Variants in RNF32 observed in about 807,000 individuals in gnomAD.
RNF32 encodes ring finger protein 32.
In RNF32, 36 loss-of-function variants were observed where a neutral mutation model predicts 41.0. The observed-to-expected ratio is 0.88, with a 90% confidence interval of 0.67 to 1.16. RNF32 has a LOEUF of 1.16. RNF32 is among the 50% of genes most tolerant of loss of function. RNF32 has a pLI of 0.00. For missense variants in RNF32, 413 were observed against 436.7 expected (o/e 0.95, Z 0.48); for synonymous variants, 154 against 160.9 (o/e 0.96, Z 0.32).
intron 7 of RNF32, among the ~76,000 whole-genome samples, chr7:156,665,439 G>A (rs979309808): frequency 6.6e-6 from 1 of 152,186 alleles, no homozygotes; most frequent in Non-Finnish European, 1.5e-5. Flanking sequence ...TAATAAGATT[G>A]AATATGGCAA....
intron 1 of RNF32, among the ~76,000 whole-genome samples, chr7:156,642,567 C>T (rs979420897): frequency 1.3e-5 from 2 of 152,224 alleles, no homozygotes; most frequent in African/African-American, 2.4e-5. Context: ...GTATGCTTTA[C>T]GAGTTTTTAT....
chr7:156,676,260 T>C (rs1179319766), intron 8 of RNF32, 159 bp from the exon 9 acceptor site: 10 of 1,543,538 alleles, frequency 6.5e-6, no homozygotes, highest in Non-Finnish European at 2.6e-6. Context: ...TATATATGTA[T>C]ATATATAAAT....
intron 7 of RNF32, among the ~76,000 whole-genome samples, chr7:156,671,541 T>A (rs1181140271): frequency 1.3e-5 from 2 of 152,196 alleles, no homozygotes; most frequent in Non-Finnish European, 2.9e-5. Context: ...CATACGCTTG[T>A]CCATGATGCA....
At chr7:156,674,228 G>A (rs1055643257) in intron 7 of RNF32, among the ~76,000 whole-genome samples, 4 of 152,174 alleles carry the variant, frequency 2.6e-5, no homozygotes, top group African/African-American at 9.7e-5. Flanking sequence ...TGGGGCTCGG[G>A]AACTGTCTCC....
chr7:156,661,840 A>C lies in RNF32; in HGVS notation c.684+3270A>C, dbSNP rs1399011681. ...CTGCATTATCAATAACTGCCACCTT[A>C]AACATAATACAAGTGACCGTGTTAT... On this transcript the variant is annotated intron_variant, in intron 7 of 8. Coordinates refer to ENST00000317955, the MANE Select transcript of RNF32 (RefSeq NM_030936.4). Among the ~76,000 whole-genome samples, 3 of 152,220 alleles carry C rather than the reference A, an allele frequency of 2.0e-5. No individual in the cohort carries two copies. The East Asian group carries it at 5.8e-4, about 29-fold the overall frequency.
At chr7:156,662,843 C>T (rs1399623780) in intron 7 of RNF32, among the ~76,000 whole-genome samples, 1 of 150,220 alleles carries the variant, frequency 6.7e-6, no homozygotes. Flanking sequence ...ATTTAACAGC[C>T]ATTCTTTTTT....
intron 7 of RNF32, among the ~76,000 whole-genome samples, chr7:156,660,755 T>C (rs1449845495): frequency 6.6e-6 from 1 of 152,212 alleles, no homozygotes; most frequent in Non-Finnish European, 1.5e-5. Flanking sequence ...CTCTGACTGA[T>C]ACGAGTGACT....
At chr7:156,651,546 G>A (rs545964472) in intron 3 of RNF32, among the ~76,000 whole-genome samples, 5 of 152,242 alleles carry the variant, frequency 3.3e-5, no homozygotes, top group East Asian at 1.9e-4. Context: ...ACATGTCTAC[G>A]CTGCTGTTTT....
intron 1 of RNF32, among the ~76,000 whole-genome samples, chr7:156,641,617 G>A (rs1350898899): frequency 6.6e-6 from 1 of 152,228 alleles, no homozygotes; most frequent in African/African-American, 2.4e-5. Flanking sequence ...GACTTTAAGA[G>A]AGTATAGGTT....
Position 156,658,084 on chromosome 7 carries a change from T to C in RNF32, c.451-44T>C, listed in dbSNP as rs142801532. The C allele has an allele frequency of 2.3e-4, 366 of 1,578,114 alleles. 1 individual carries two copies. The highest frequency in any genetic ancestry group is 1.4e-3 in the Middle Eastern group (8 of 5,918). On this transcript the variant is annotated intron_variant, in intron 5 of 8. Transcript: ENST00000317955. ...ACATTGGAAGTAAAAACGTTGTTTATAAGTAATTACTTGTAAAATTTTAAG... is the reference window on the plus strand; with the variant it reads ...ACATTGGAAGTAAAAACGTTGTTTACAAGTAATTACTTGTAAAATTTTAAG...
chr7:156,642,695 G>A (rs1358928809), intron 1 of RNF32, among the ~76,000 whole-genome samples: 1 of 152,218 alleles, frequency 6.6e-6, no homozygotes, highest in African/African-American at 2.4e-5. Flanking sequence ...TGGAGAGGAC[G>A]GCATCCCATG....
intron 3 of RNF32, among the ~76,000 whole-genome samples, chr7:156,646,135 A>C (rs377388045): frequency 3.9e-5 from 6 of 152,338 alleles, no homozygotes; most frequent in African/African-American, 1.4e-4. Flanking sequence ...ATTTCTTCTA[A>C]TTAATAAAAG....
At chr7:156,662,790 TTA>T (rs1800826890) in intron 7 of RNF32, among the ~76,000 whole-genome samples, 1 of 151,744 alleles carries the variant, frequency 6.6e-6, no homozygotes, top group African/African-American at 2.4e-5. Context: ...CTGAAAAAAA[TTA>T]TATGAGCATC....
At chr7:156,651,949 G>A (rs187132284) in intron 3 of RNF32, among the ~76,000 whole-genome samples, 313 of 152,182 alleles carry the variant, frequency 2.1e-3, no homozygotes, top group Non-Finnish European at 3.5e-3. Flanking sequence ...GCAGCATCCC[G>A]GGACCCTGGG....
chr7:156,643,316 A>G (rs1361627285), intron 1 of RNF32, among the ~76,000 whole-genome samples: 1 of 152,208 alleles, frequency 6.6e-6, no homozygotes, highest in Non-Finnish European at 1.5e-5. Context: ...GAAGTTAGCC[A>G]GTGTTCCTCT....
At chr7:156,672,887 G>A (rs1177391004) in intron 7 of RNF32, among the ~76,000 whole-genome samples, 1 of 152,186 alleles carries the variant, frequency 6.6e-6, no homozygotes, top group East Asian at 1.9e-4. Flanking sequence ...AAATGTGATC[G>A]GTAACTTCTA....
In RNF32 at chr7:156,676,865, T is replaced by C. The variant is rs1804154163; in HGVS notation, c.*210T>C. On this transcript the variant is annotated 3_prime_UTR_variant, in exon 9 of 9. Transcript: ENST00000317955. ...GTCTCTAAAAAGTAAATTTCAAATT[T>C]ATGAGTTTAATCACTTCAAATATGA... is the stretch of plus-strand genomic sequence containing the variant. The C allele has an allele frequency of 1.8e-6, 1 of 551,676 alleles. No individual in the cohort carries two copies. 34.2% of individuals were successfully genotyped at this position (551,676 alleles called of 1,614,324 possible).
intron 7 of RNF32, among the ~76,000 whole-genome samples, chr7:156,665,653 A>G (rs1348044686): frequency 6.6e-6 from 1 of 152,044 alleles, no homozygotes; most frequent in Non-Finnish European, 1.5e-5. Context: ...AGTTAAAGGT[A>G]CGTCAGCGTC....
chr7:156,673,670 G>GTTT (rs1195843362), intron 7 of RNF32, among the ~76,000 whole-genome samples: 1 of 152,130 alleles, frequency 6.6e-6, no homozygotes, highest in Non-Finnish European at 1.5e-5. Context: ...TGCCTGCTGT[G>GTTT]TTCACAGAAT....
Sources: gnomAD v4.1 joint callset for allele counts (sites outside exome capture counted in the v4.1 genomes callset) on GRCh38, gnomAD v4.1.1 for gene constraint, MANE v1.5 for transcripts, NCBI Gene and HGNC (gene_info 2026-07-23, HGNC 2026-07-21) for gene names.